Variants in ACSL6 observed in about 807,000 individuals in gnomAD.
ACSL6 encodes long-chain-fatty-acid--CoA ligase 6.
ACSL6 carries 47 observed loss-of-function variants against 98.2 expected under a neutral mutation model. The observed-to-expected ratio is 0.48, with a 90% CI of 0.38 to 0.61. The LOEUF (loss-of-function observed/expected upper bound fraction) is 0.61, where lower values mean the gene tolerates loss of function less well. ACSL6 is among the 20% of genes least tolerant of loss of function. ACSL6 has a pLI of 0.00. For missense variants in ACSL6, 761 were observed against 913.4 expected (o/e 0.83, Z 2.15); for synonymous variants, 362 against 336.9 (o/e 1.07, Z -0.82).
At chr5:131,981,869 T>A (rs1753911316) in intron 9 of ACSL6, 1 of 152,402 alleles carries the variant, frequency 6.6e-6, no homozygotes, top group Non-Finnish European at 1.5e-5. Context: ...TTTTTTTCTT[T>A]TTTTTTGTGA....
chr5:131,980,102 T>G (rs748788777), intron 9 of ACSL6, among the ~76,000 whole-genome samples: 5 of 152,094 alleles, frequency 3.3e-5, no homozygotes, highest in Non-Finnish European at 7.4e-5. Context: ...TGGAAGTGGG[T>G]TTGGGGACAG....
At chr5:132,006,548 G>A (rs62384110) in intron 1 of ACSL6, 3,869 of 152,410 alleles carry the variant, frequency 0.025, 69 homozygotes, top group Middle Eastern at 0.1. Flanking sequence ...CGAGGCCAAC[G>A]CAAGGAATGG....
At chr5:131,988,707 CT>C (rs1039011709) in intron 6 of ACSL6, 97 bp downstream of exon 6, 2 of 1,565,960 alleles carry the variant, frequency 1.3e-6, no homozygotes, top group African/African-American at 2.7e-5. Context: ...AGCAAAGTGC[CT>C]CTTACGAGTG....
intron 1 of ACSL6, among the ~76,000 whole-genome samples, chr5:132,005,693 G>A (rs1383473149): frequency 1.3e-5 from 2 of 152,240 alleles, no homozygotes; most frequent in Non-Finnish European, 2.9e-5. Context: ...GGCAGGAGGA[G>A]TCCCACGGGG....
chr5:131,970,255 T>A, intron 14 of ACSL6, 55 bp from the exon 15 acceptor site: 3 of 1,541,954 alleles, frequency 1.9e-6, no homozygotes, highest in Non-Finnish European at 2.7e-6. Context: ...AAGAGCTAAC[T>A]GGCCACCCCT....
At chr5:131,983,975 C>G (rs181901185) in intron 9 of ACSL6, 1 of 152,346 alleles carries the variant, frequency 6.6e-6, no homozygotes, top group African/African-American at 2.4e-5. Flanking sequence ...GAAGGCAGGT[C>G]CAAAGGTAAG....
In ACSL6 at chr5:131,998,727, T is replaced by A. The variant is rs75759512; in HGVS notation, c.50-4476A>T. ...CCACCAACCACAGCCCAGACTCCCA[T>A]ACCACCCTCTCCATAGGTCTCCTTG... On this transcript the variant is annotated intron_variant, in intron 1 of 20. Transcript: ENST00000651883. 2.0e-5 allele frequency among the ~76,000 whole-genome samples: 3 copies of A among 152,302 alleles called. No homozygotes were observed. The East Asian group carries it at 5.8e-4, about 29-fold the overall frequency.
chr5:131,971,975 A>G (rs1383458823), intron 13 of ACSL6, among the ~76,000 whole-genome samples: 1 of 152,198 alleles, frequency 6.6e-6, no homozygotes, highest in Non-Finnish European at 1.5e-5. Context: ...TCACTCTCCC[A>G]TCATTGACAA....
At chr5:131,964,111 T>C (rs935891670) in intron 17 of ACSL6, among the ~76,000 whole-genome samples, 1 of 152,186 alleles carries the variant, frequency 6.6e-6, no homozygotes, top group East Asian at 1.9e-4. Flanking sequence ...AATGAATCAT[T>C]CAAAGCTTGA....
At chr5:131,986,879 A>G in intron 7 of ACSL6, 25 bp from the exon 8 acceptor site, 1 of 1,613,838 alleles carries the variant, frequency 6.2e-7, no homozygotes. Context: ...TGCTGTTTTT[A>G]AATGCTCAAA....
chr5:131,980,853 C>T (rs1753850772), intron 9 of ACSL6, among the ~76,000 whole-genome samples: 1 of 152,124 alleles, frequency 6.6e-6, no homozygotes, highest in Non-Finnish European at 1.5e-5. Flanking sequence ...CTGAAAACCC[C>T]ACCAAGCCAA....
intron 1 of ACSL6, among the ~76,000 whole-genome samples, chr5:132,001,602 T>G (rs1209453235): frequency 6.6e-6 from 1 of 152,100 alleles, no homozygotes; most frequent in African/African-American, 2.4e-5. Context: ...CTGCCAAGCT[T>G]CCCCAAGGAG....
In ACSL6 at chr5:131,986,981, TCACA is replaced by T. The variant is rs58544750; in HGVS notation, c.832-131_832-128del. 4.3e-3 allele frequency: 376 copies of T among 87,556 alleles called. 3 individuals are homozygous for T. Among genetic ancestry groups the T allele is most frequent in the South Asian group, 0.012 (43 of 3,580 alleles). The allele number at this position is 87,556 out of a possible 1,614,324, so 5.4% of individuals were successfully genotyped here. A position where few individuals can be genotyped will look rare whatever the true frequency, so the allele number is the denominator to read the frequency against. ...TACACACACACACATACCCACACAC[TCACA>T]CACACACACACACACCACACACAAA... On this transcript the variant is annotated intron_variant, in intron 7 of 20. Coordinates refer to ENST00000651883, the MANE Select transcript of ACSL6 (RefSeq NM_001009185.3).
chr5:131,968,247 C>T (rs1435147657), intron 15 of ACSL6: 2 of 506,062 alleles, frequency 4.0e-6, no homozygotes, highest in Non-Finnish European at 7.1e-6. Flanking sequence ...TGTTTTACAT[C>T]CGATTCTTAA....
chr5:131,961,714 A>C (rs968794741), intron 18 of ACSL6, among the ~76,000 whole-genome samples: 1 of 151,854 alleles, frequency 6.6e-6, no homozygotes, highest in Non-Finnish European at 1.5e-5. Flanking sequence ...ATATCATAGA[A>C]TATACTCATG....
intron 1 of ACSL6, among the ~76,000 whole-genome samples, chr5:132,000,142 C>A (rs551334129): frequency 2.6e-5 from 4 of 151,960 alleles, no homozygotes; most frequent in Non-Finnish European, 5.9e-5. Flanking sequence ...TGCTCCCCAC[C>A]CCCACAAGGT....
chr5:131,956,181 C>A (rs941398418), intron 20 of ACSL6, among the ~76,000 whole-genome samples: 1 of 151,644 alleles, frequency 6.6e-6, no homozygotes, highest in Admixed American at 6.6e-5. Context: ...CAAGCAGAAA[C>A]TACTAAAAAA....
chr5:131,972,916 A>G (rs1753393930), intron 12 of ACSL6, 58 bp from the exon 13 acceptor site: 15 of 1,611,880 alleles, frequency 9.3e-6, no homozygotes, highest in Non-Finnish European at 1.3e-5. Context: ...TTCTAGATAT[A>G]TCCCCCAGGA....
chr5:131,981,421 A>C (rs944716341), intron 9 of ACSL6, among the ~76,000 whole-genome samples: 4 of 152,202 alleles, frequency 2.6e-5, no homozygotes, highest in Admixed American at 6.5e-5. Context: ...GAGTTTTCCA[A>C]AGTGAACTTG....
Sources: allele counts gnomAD v4.1 joint callset (sites outside exome capture counted in the v4.1 genomes callset), GRCh38; gene constraint gnomAD v4.1.1; transcripts MANE v1.5; gene names NCBI Gene and HGNC (gene_info 2026-07-23, HGNC 2026-07-21).